The following PRKCQ variants were observed in gnomAD, a reference collection of about 807,000 sequenced individuals.
PRKCQ encodes protein kinase C theta type.
Under a neutral mutation model 91.2 loss-of-function variants are expected in PRKCQ, and 41 were observed. That is an observed-to-expected ratio of 0.45 (90% CI 0.35 to 0.58). PRKCQ has a LOEUF of 0.58. Ranked by LOEUF, PRKCQ falls within the 20% of genes least tolerant of loss-of-function variation. The pLI is 0.00. For missense variants in PRKCQ, 673 were observed against 896.5 expected, an observed-to-expected ratio of 0.75 and a Z score of 3.18; for synonymous variants, 307 against 316.9, an observed-to-expected ratio of 0.97 and a Z score of 0.33.
intron 3 of PRKCQ, among the ~76,000 whole-genome samples, chr10:6,509,231 G>A (rs11259295): frequency 6.6e-6 from 1 of 152,104 alleles, no homozygotes; most frequent in Admixed American, 6.6e-5. Context: ...CAAAATCCTA[G>A]GCAAGAAATC....
intron 15 of PRKCQ, among the ~76,000 whole-genome samples, chr10:6,455,286 C>T (rs1367594433): frequency 6.6e-6 from 1 of 151,998 alleles, no homozygotes; most frequent in African/African-American, 2.4e-5. Context: ...TGTATCTGTG[C>T]CAAACTGAAT....
At chr10:6,524,507 T>C (rs1839129286) in intron 1 of PRKCQ, among the ~76,000 whole-genome samples, 1 of 152,218 alleles carries the variant, frequency 6.6e-6, no homozygotes, top group South Asian at 2.1e-4. Context: ...ATGTCTGCCA[T>C]GCTTTCTTCT....
intron 1 of PRKCQ, among the ~76,000 whole-genome samples, chr10:6,535,456 A>AT (rs1308846607): frequency 3.3e-5 from 5 of 152,140 alleles, no homozygotes; most frequent in African/African-American, 4.8e-5. Context: ...TTAAATCCAC[A>AT]TATGTATTAA....
chr10:6,452,462 A>T (rs901249278), intron 15 of PRKCQ, among the ~76,000 whole-genome samples: 4 of 152,000 alleles, frequency 2.6e-5, no homozygotes, highest in Non-Finnish European at 5.9e-5. Flanking sequence ...GCTCATGGGT[A>T]GGAAGAATCA....
intron 14 of PRKCQ, among the ~76,000 whole-genome samples, chr10:6,462,081 T>A (rs1434175872): frequency 6.6e-6 from 1 of 152,156 alleles, no homozygotes; most frequent in African/African-American, 2.4e-5. Context: ...AGAACCAGCA[T>A]AAAGGACAGA....
rs567990253 is a variant in PRKCQ, at chr10:6,470,387, C to T, written c.1354-5983G>A. ...TGATTCTGACGCTCATATATTCCCA[C>T]AGTTTCCCCTGAAGAGTCCCATGCG... On this transcript the variant is annotated intron_variant, in intron 12 of 17. Coordinates refer to ENST00000263125, the MANE Select transcript of PRKCQ (RefSeq NM_006257.5). Among the ~76,000 whole-genome samples the T allele has an allele frequency of 2.0e-5, 3 of 152,308 alleles. No homozygotes were observed. The East Asian group carries it at 5.8e-4, about 29-fold the overall frequency.
chr10:6,439,962 C>T (rs956691817), intron 16 of PRKCQ, among the ~76,000 whole-genome samples: 3 of 152,122 alleles, frequency 2.0e-5, no homozygotes, highest in Admixed American at 2.0e-4. Flanking sequence ...AATTATAATC[C>T]TATAATCCCC....
chr10:6,486,730 C>A (rs1445441424), intron 8 of PRKCQ, among the ~76,000 whole-genome samples: 1 of 152,240 alleles, frequency 6.6e-6, no homozygotes, highest in East Asian at 1.9e-4. Flanking sequence ...TTGGGGCTCA[C>A]CTGCCCTGCA....
the PRKCQ span, among the ~76,000 whole-genome samples, chr10:6,400,215 C>T: frequency 1.3e-5 from 2 of 152,204 alleles, no homozygotes; most frequent in Non-Finnish European, 1.5e-5. Context: ...GCCCTTCTTT[C>T]ATCTGTAGCC....
Position 6,512,164 on chromosome 10 carries a change from A to C in PRKCQ, c.119-970T>G, listed in dbSNP as rs1838509074. The C allele has an allele frequency of 2.0e-5, 3 of 152,188 alleles. No homozygotes were observed. In the South Asian group the frequency reaches 6.2e-4, roughly 31 times the overall value. The allele number at this position is 152,188 out of a possible 1,614,324, so 9.4% of individuals were successfully genotyped here. ...TTAAGAAATATTTACATTTTTTTCC[A>C]TTTGACATAAATACAGTAAGAGACA... On this transcript the variant is annotated intron_variant, in intron 2 of 17. Coordinates refer to ENST00000263125, the MANE Select transcript of PRKCQ (RefSeq NM_006257.5).
intron 11 of PRKCQ, among the ~76,000 whole-genome samples, chr10:6,481,738 G>C (rs1836607652): frequency 6.6e-6 from 1 of 152,106 alleles, no homozygotes; most frequent in Non-Finnish European, 1.5e-5. Context: ...GAGCAGTTGT[G>C]GTGTATAATG....
At chr10:6,525,475 T>C (rs1588383614) in intron 1 of PRKCQ, among the ~76,000 whole-genome samples, 1 of 152,130 alleles carries the variant, frequency 6.6e-6, no homozygotes, top group African/African-American at 2.4e-5. Context: ...ACAATTACTT[T>C]TGCACCAACC....
downstream of PRKCQ, among the ~76,000 whole-genome samples, chr10:6,426,643 G>A (rs806399): frequency 0.21 from 32,340 of 152,048 alleles, 3,634 homozygotes; most frequent in Non-Finnish European, 0.24. Flanking sequence ...CAAGAGCTCC[G>A]TATAGTCAGG....
At chr10:6,467,335 CAGAG>C (rs1173010895) in intron 12 of PRKCQ, among the ~76,000 whole-genome samples, 13,551 of 103,416 alleles carry the variant, frequency 0.13, 1,137 homozygotes, top group African/African-American at 0.14. Context: ...GAGAGACAGA[CAGAG>C]AGAGAGAGAG....
chr10:6,573,593 A>G (rs532033398), intron 1 of PRKCQ, among the ~76,000 whole-genome samples: 1 of 152,144 alleles, frequency 6.6e-6, no homozygotes, highest in Non-Finnish European at 1.5e-5. Flanking sequence ...ATATTGCCAT[A>G]GTTTGTTTAC....
At chr10:6,483,358 A>G (rs1396515925) in intron 11 of PRKCQ, 82 bp downstream of exon 11, 13 of 1,548,394 alleles carry the variant, frequency 8.4e-6, no homozygotes, top group African/African-American at 6.9e-5. Flanking sequence ...TAGTGGCCCT[A>G]TGAGTTTAAT....
the PRKCQ span, among the ~76,000 whole-genome samples, chr10:6,414,752 C>T: frequency 1.4e-5 from 2 of 138,290 alleles, no homozygotes; most frequent in Non-Finnish European, 3.1e-5. Flanking sequence ...GAAAACATAG[C>T]AATAGAAATT....
chr10:6,415,730 T>TTC, the PRKCQ span, among the ~76,000 whole-genome samples: 533 of 133,966 alleles, frequency 4.0e-3, 15 homozygotes, highest in Middle Eastern at 7.5e-3. Flanking sequence ...CTGCTAATGT[T>TTC]TCTCTCTCTC....
At chr10:6,405,775 G>T in the PRKCQ span, among the ~76,000 whole-genome samples, 1 of 152,214 alleles carries the variant, frequency 6.6e-6, no homozygotes, top group East Asian at 1.9e-4. Context: ...GAAGGGTCAG[G>T]CTTTGAAGGA....
Sources: gnomAD v4.1 joint callset for allele counts (sites outside exome capture counted in the v4.1 genomes callset) on GRCh38, gnomAD v4.1.1 for gene constraint, MANE v1.5 for transcripts, NCBI Gene and HGNC (gene_info 2026-07-23, HGNC 2026-07-21) for gene names.